The following MYO5B variants were observed in gnomAD, a reference collection of about 807,000 sequenced individuals.
MYO5B encodes myosin VB, also known as unconventional myosin-Vb.
Under a neutral mutation model 229.3 loss-of-function variants are expected in MYO5B, and 143 were observed. The ratio of observed to expected loss-of-function variants is 0.62; its 90% CI spans 0.54 to 0.72. The LOEUF (loss-of-function observed/expected upper bound fraction) is 0.72, where lower values mean the gene tolerates loss of function less well. Ranked by LOEUF, MYO5B falls within the 30% of genes least tolerant of loss-of-function variation. The probability of loss-of-function intolerance (pLI) is 0.00; values close to 1 mark genes in which losing one functional copy is unlikely to be tolerated. For missense variants in MYO5B, 2,321 were observed against 2,331.0 expected (o/e 1.00, Z 0.09); for synonymous variants, 918 against 885.2 (o/e 1.04, Z -0.66).
chr18:50,039,463 C>G (rs1399502604), intron 3 of MYO5B, among the ~76,000 whole-genome samples: 2 of 152,074 alleles, frequency 1.3e-5, no homozygotes, highest in Non-Finnish European at 2.9e-5. Flanking sequence ...TCCCGAGTAG[C>G]TGGGACTACA....
intron 1 of MYO5B, among the ~76,000 whole-genome samples, chr18:50,147,300 G>T (rs79446425): frequency 1.3e-5 from 2 of 152,048 alleles, no homozygotes; most frequent in African/African-American, 4.8e-5. Flanking sequence ...GCCACACCCA[G>T]TGAGTCTGAA....
chr18:50,071,161 G>A (rs1023273591), intron 1 of MYO5B, among the ~76,000 whole-genome samples: 3 of 152,174 alleles, frequency 2.0e-5, no homozygotes, highest in African/African-American at 4.8e-5. Context: ...TTTCCTGCCA[G>A]TGGGCCTTGC....
chr18:49,958,138 C>G (rs1174718611), intron 12 of MYO5B, among the ~76,000 whole-genome samples: 1 of 152,134 alleles, frequency 6.6e-6, no homozygotes, highest in Non-Finnish European at 1.5e-5. Context: ...TGGATGAGAC[C>G]ACACATCAAC....
chr18:49,879,267 T>C, intron 23 of MYO5B, 177 bp from the exon 24 acceptor site: 2 of 713,860 alleles, frequency 2.8e-6, no homozygotes, highest in Non-Finnish European at 4.8e-6. Context: ...CTCATTACTC[T>C]GGCTTAGTCT....
rs375229983 is a variant in MYO5B at position 49,982,812 on chromosome 18, A to C, written c.946+1906T>G. On this transcript the variant is annotated intron_variant, in intron 8 of 39. Coordinates refer to ENST00000285039, the MANE Select transcript of MYO5B (RefSeq NM_001080467.3). ...GCTAACCCCTGCAATTAAAAAAGGG[A>C]CATGTTTATTAAAGAATAGAGAAGA... Among the ~76,000 whole-genome samples the C allele has an allele frequency of 2.0e-5, 3 of 152,298 alleles. No homozygotes were observed. In the East Asian group the frequency reaches 5.8e-4, roughly 29 times the overall value.
intron 24 of MYO5B, 107 bp downstream of exon 24, chr18:49,878,838 A>G: frequency 1.5e-6 from 2 of 1,339,094 alleles, no homozygotes; most frequent in South Asian, 2.4e-5. Context: ...CATATGACAC[A>G]TGGACTGAGC....
At chr18:50,001,145 G>C in intron 5 of MYO5B, 110 bp downstream of exon 5, 1 of 1,362,776 alleles carries the variant, frequency 7.3e-7, no homozygotes. Context: ...GTGGACAGAG[G>C]GCTCTCAGGG....
intron 1 of MYO5B, among the ~76,000 whole-genome samples, chr18:50,121,200 C>A (rs2032053356): frequency 6.6e-6 from 1 of 152,194 alleles, no homozygotes; most frequent in African/African-American, 2.4e-5. Context: ...TGCAGTAGCA[C>A]CATCAGCCCC....
chr18:49,977,709 G>T (rs375663249), intron 9 of MYO5B, among the ~76,000 whole-genome samples: 1 of 152,160 alleles, frequency 6.6e-6, no homozygotes, highest in Admixed American at 6.5e-5. Context: ...CAGAGAAAGA[G>T]GTTCCCCTCT....
At chr18:50,181,665 A>C (rs890763533) in intron 1 of MYO5B, among the ~76,000 whole-genome samples, 3 of 152,192 alleles carry the variant, frequency 2.0e-5, no homozygotes, top group African/African-American at 7.2e-5. Flanking sequence ...ACCCCAAAGG[A>C]AACAGAACAC....
At chr18:50,147,483 G>A (rs1171978146) in intron 1 of MYO5B, among the ~76,000 whole-genome samples, 2 of 152,198 alleles carry the variant, frequency 1.3e-5, no homozygotes, top group Non-Finnish European at 2.9e-5. Context: ...AACACATGAA[G>A]CTGAAGAAAT....
chr18:50,067,769 C>G (rs931993769), intron 1 of MYO5B, among the ~76,000 whole-genome samples: 19 of 152,218 alleles, frequency 1.2e-4, no homozygotes, highest in African/African-American at 4.3e-4. Context: ...GAAGCATTTA[C>G]TGGCACCATG....
At chr18:50,186,296 G>C (rs2033148554) in intron 1 of MYO5B, among the ~76,000 whole-genome samples, 2 of 152,198 alleles carry the variant, frequency 1.3e-5, no homozygotes, top group South Asian at 4.1e-4. Flanking sequence ...CTGTTTCTGG[G>C]AATGAGACTA....
chr18:50,138,667 G>T (rs972593387), intron 1 of MYO5B, among the ~76,000 whole-genome samples: 1 of 149,350 alleles, frequency 6.7e-6, no homozygotes, highest in Non-Finnish European at 1.5e-5. Flanking sequence ...AAAAAAAAAA[G>T]AAGTGAAATT....
intron 14 of MYO5B, 55 bp downstream of exon 14, chr18:49,953,205 T>A: frequency 6.5e-7 from 1 of 1,533,970 alleles, no homozygotes; most frequent in South Asian, 1.1e-5. Flanking sequence ...CCACTCCCTG[T>A]CCAGCACTGG....
chr18:50,097,844 A>T (rs2031582553), intron 1 of MYO5B, among the ~76,000 whole-genome samples: 1 of 152,222 alleles, frequency 6.6e-6, no homozygotes, highest in Non-Finnish European at 1.5e-5. Flanking sequence ...AGGGCAGTGG[A>T]TCACACACCC....
chr18:49,914,640 C>T (rs1436459252), intron 17 of MYO5B, among the ~76,000 whole-genome samples: 4 of 151,790 alleles, frequency 2.6e-5, no homozygotes, highest in African/African-American at 9.7e-5. Context: ...ATTAGCTGGG[C>T]ATGGTGGTGG....
chr18:50,181,263 A>G (rs2033069767), intron 1 of MYO5B, among the ~76,000 whole-genome samples: 1 of 152,222 alleles, frequency 6.6e-6, no homozygotes, highest in Admixed American at 6.5e-5. Flanking sequence ...TTCTGTCTTT[A>G]AATTGTTAAC....
intron 12 of MYO5B, among the ~76,000 whole-genome samples, chr18:49,957,479 C>G (rs1204969075): frequency 1.3e-5 from 2 of 151,980 alleles, no homozygotes; most frequent in Non-Finnish European, 2.9e-5. Flanking sequence ...GACCTCATCT[C>G]TACAAAAAAC....
Sources: gnomAD v4.1 joint callset for allele counts (sites outside exome capture counted in the v4.1 genomes callset) on GRCh38, gnomAD v4.1.1 for gene constraint, MANE v1.5 for transcripts, NCBI Gene and HGNC (gene_info 2026-07-23, HGNC 2026-07-21) for gene names.